Variants in PKIB observed in about 807,000 individuals in gnomAD.
PKIB encodes the protein cAMP-dependent protein kinase inhibitor beta, also known as PKI-beta.
A neutral mutation model predicts 4.5 loss-of-function variants in PKIB; 2 were observed. That is an observed-to-expected ratio of 0.44 (90% CI 0.18 to 1.39). The LOEUF (loss-of-function observed/expected upper bound fraction) is 1.39. Among genes scored for constraint, PKIB ranks in the 40% most tolerant of loss-of-function variants. PKIB has a pLI of 0.27. For missense variants in PKIB, 94 were observed against 92.6 expected (o/e 1.02, Z -0.06); for synonymous variants, 38 against 36.0 (o/e 1.06, Z -0.20).
At chr6:122,662,279 TTCTC>T in intron 2 of PKIB, among the ~76,000 whole-genome samples, 1 of 146,280 alleles carries the variant, frequency 6.8e-6, no homozygotes, top group South Asian at 2.2e-4. Context: ...CAAGGTCTCT[TTCTC>T]TCTCCTTCTT....
chr6:122,523,564 C>T (rs1193412883), intron 2 of PKIB, among the ~76,000 whole-genome samples: 2 of 152,052 alleles, frequency 1.3e-5, no homozygotes, highest in Admixed American at 1.3e-4. Context: ...AGGTGGCTCA[C>T]CTGAGGTCAG....
At chr6:122,725,023 G>A in intron 4 of PKIB, 105 bp from the exon 5 acceptor site, 1 of 844,396 alleles carries the variant, frequency 1.2e-6, no homozygotes, top group Non-Finnish European at 1.9e-6. Context: ...TGAATTGAGG[G>A]CAAAATATGG....
At chr6:122,553,481 C>CTTTTTTTTTTCTTTT (rs1772747055) in intron 2 of PKIB, among the ~76,000 whole-genome samples, 1 of 65,838 alleles carries the variant, frequency 1.5e-5, no homozygotes, top group African/African-American at 5.9e-5. Context: ...CAAATATCTT[C>CTTTTTTTTTTCTTTT]TTTTTTTTTT....
chr6:122,594,333 G>A (rs1012920087), intron 3 of PKIB, among the ~76,000 whole-genome samples: 6 of 151,492 alleles, frequency 4.0e-5, no homozygotes, highest in Middle Eastern at 3.4e-3. Flanking sequence ...TCAGCCTCCC[G>A]AAAGCTGAGA....
intron 2 of PKIB, among the ~76,000 whole-genome samples, chr6:122,524,864 C>T (rs1429463205): frequency 6.6e-6 from 1 of 150,604 alleles, no homozygotes; most frequent in African/African-American, 2.4e-5. Flanking sequence ...TTTTTTTTAA[C>T]ATAATCTGCT....
At chr6:122,599,498 C>T (rs946272653) in intron 3 of PKIB, among the ~76,000 whole-genome samples, 1 of 152,142 alleles carries the variant, frequency 6.6e-6, no homozygotes, top group Non-Finnish European at 1.5e-5. Flanking sequence ...TCAGCTTTTT[C>T]TCTACAGGAG....
At chr6:122,717,182 G>C (rs1024880730) in intron 3 of PKIB, among the ~76,000 whole-genome samples, 7 of 134,984 alleles carry the variant, frequency 5.2e-5, no homozygotes, top group African/African-American at 2.0e-4. Context: ...ATGTCAACCT[G>C]AAGGTAAAAA....
At chr6:122,623,659 A>C (rs537645309) in intron 1 of PKIB, among the ~76,000 whole-genome samples, 2 of 152,298 alleles carry the variant, frequency 1.3e-5, no homozygotes, top group Admixed American at 6.5e-5. Flanking sequence ...TTATTAAAAA[A>C]ATACTTAAAA....
chr6:122,604,764 C>T (rs1210377576), intron 3 of PKIB, among the ~76,000 whole-genome samples: 1 of 152,206 alleles, frequency 6.6e-6, no homozygotes, highest in Non-Finnish European at 1.5e-5. Context: ...CAGTTGGGAT[C>T]AGAACCCAAC....
At chr6:122,653,782 G>T (rs562766145) in intron 2 of PKIB, among the ~76,000 whole-genome samples, 39 of 152,172 alleles carry the variant, frequency 2.6e-4, no homozygotes, top group Admixed American at 2.2e-3. Flanking sequence ...CCAACATGGT[G>T]AAACCCTGTC....
At chr6:122,557,177 C>CT (rs1772869456) in intron 2 of PKIB, among the ~76,000 whole-genome samples, 1 of 152,170 alleles carries the variant, frequency 6.6e-6, no homozygotes, top group Admixed American at 6.5e-5. Flanking sequence ...GATGGCTGCA[C>CT]TACAGCCTGG....
chr6:122,517,897 A>G (rs1331086053), intron 2 of PKIB, among the ~76,000 whole-genome samples: 1 of 152,220 alleles, frequency 6.6e-6, no homozygotes, highest in Non-Finnish European at 1.5e-5. Flanking sequence ...TTTTTCCAAA[A>G]TAGGTGATTC....
chr6:122,615,759 G>A (rs1355136840), intron 1 of PKIB, among the ~76,000 whole-genome samples: 1 of 152,082 alleles, frequency 6.6e-6, no homozygotes, highest in African/African-American at 2.4e-5. Flanking sequence ...GACAATGCTG[G>A]GGGAGATTGA....
chr6:122,693,779 G>T (rs1459292204), intron 3 of PKIB, among the ~76,000 whole-genome samples: 1 of 151,882 alleles, frequency 6.6e-6, no homozygotes, highest in Non-Finnish European at 1.5e-5. Flanking sequence ...TAGTCTTCTG[G>T]GGAAAAACCA....
intron 2 of PKIB, among the ~76,000 whole-genome samples, chr6:122,485,130 C>T (rs1185699848): frequency 6.6e-6 from 1 of 152,080 alleles, no homozygotes; most frequent in Admixed American, 6.6e-5. Flanking sequence ...TGGGGGCTGC[C>T]TGATTTGTGA....
intron 3 of PKIB, among the ~76,000 whole-genome samples, chr6:122,678,732 CA>C (rs368248664): frequency 1.3e-5 from 2 of 152,140 alleles, no homozygotes; most frequent in African/African-American, 4.8e-5. Context: ...GGAATGTTTG[CA>C]AGTGCCACAG....
chr6:122,577,410 T>G (rs1400001300), intron 2 of PKIB, among the ~76,000 whole-genome samples: 2 of 152,168 alleles, frequency 1.3e-5, no homozygotes, highest in African/African-American at 2.4e-5. Context: ...TTTATAGTAA[T>G]TCATTACACT....
chr6:122,616,737 A>C (rs541466700), intron 1 of PKIB, among the ~76,000 whole-genome samples: 1 of 152,092 alleles, frequency 6.6e-6, no homozygotes, highest in East Asian at 1.9e-4. Context: ...TATGGAAATA[A>C]CTGTTATGCT....
chr6:122,590,036 TAA>T (rs1773970282), intron 3 of PKIB, among the ~76,000 whole-genome samples: 1 of 152,054 alleles, frequency 6.6e-6, no homozygotes, highest in African/African-American at 2.4e-5. Flanking sequence ...AAAAAATGAG[TAA>T]AAATCAGGAC....
Sources: gnomAD v4.1 joint callset for allele counts (sites outside exome capture counted in the v4.1 genomes callset) on GRCh38, gnomAD v4.1.1 for gene constraint, MANE v1.5 for transcripts, NCBI Gene and HGNC (gene_info 2026-07-23, HGNC 2026-07-21) for gene names.